The following NXPE1 variants were observed in gnomAD, a reference collection of about 807,000 sequenced individuals.
NXPE1 encodes NXPE family member 1.
NXPE1 carries 31 observed loss-of-function variants against 33.3 expected under a neutral mutation model. The ratio of observed to expected loss-of-function variants is 0.93; its 90% CI spans 0.70 to 1.26. The LOEUF is 1.26. Ranked by LOEUF, NXPE1 falls within the 50% of genes most tolerant of loss-of-function variation. The pLI, the probability that NXPE1 is intolerant of heterozygous loss-of-function variation, is 0.00. For synonymous variants in NXPE1, 229 were observed against 231.4 expected (o/e 0.99, Z 0.09); for missense variants, 661 against 655.6 (o/e 1.01, Z -0.09).
At chr11:114,527,054 GCTAA>G (rs1947391571) in intron 7 of NXPE1, 1 of 152,172 alleles carries the variant, frequency 6.6e-6, no homozygotes, top group African/African-American at 2.4e-5. Flanking sequence ...CACATTGCAA[GCTAA>G]CTGAGCATTT....
At chr11:114,543,535 C>A (rs1948173853) in intron 5 of NXPE1, among the ~76,000 whole-genome samples, 1 of 149,828 alleles carries the variant, frequency 6.7e-6, no homozygotes, top group African/African-American at 2.5e-5. Context: ...AAAAAAAAAT[C>A]TTTTTAGATT....
chr11:114,536,187 G>A (rs1416583604), intron 5 of NXPE1, among the ~76,000 whole-genome samples: 4 of 152,122 alleles, frequency 2.6e-5, no homozygotes, highest in Admixed American at 6.5e-5. Context: ...TGACTACTGG[G>A]TACATAATGA....
intron 5 of NXPE1, among the ~76,000 whole-genome samples, chr11:114,544,773 G>A (rs2135071604): frequency 6.6e-6 from 1 of 152,204 alleles, no homozygotes; most frequent in Non-Finnish European, 1.5e-5. Flanking sequence ...CTGTTAAGAG[G>A]ATGCAGAGAT....
intron 1 of NXPE1, chr11:114,553,640 G>T: frequency 2.4e-6 from 2 of 847,990 alleles, no homozygotes; most frequent in South Asian, 5.4e-5. Flanking sequence ...AGACTTCTTA[G>T]AATCCTATGG....
downstream of NXPE1, among the ~76,000 whole-genome samples, chr11:114,519,760 G>A (rs1947167751): frequency 1.3e-5 from 2 of 152,012 alleles, no homozygotes; most frequent in African/African-American, 2.4e-5. Flanking sequence ...AAAGAATTTT[G>A]TGTATGTATC....
intron 5 of NXPE1, among the ~76,000 whole-genome samples, chr11:114,537,628 A>ACAC (rs1947884712): frequency 6.6e-6 from 1 of 152,222 alleles, no homozygotes; most frequent in Non-Finnish European, 1.5e-5. Flanking sequence ...GCATTCTTAT[A>ACAC]CACCAGTAAC....
At chr11:114,526,669 T>C (rs1251285648) in intron 7 of NXPE1, 3 of 152,188 alleles carry the variant, frequency 2.0e-5, no homozygotes, top group Admixed American at 6.5e-5. Flanking sequence ...CATTGGCCTA[T>C]TGAAGAAGTC....
At chr11:114,529,198 G>C (rs529191507) in intron 6 of NXPE1, 1 of 175,064 alleles carries the variant, frequency 5.7e-6, no homozygotes, top group Non-Finnish European at 1.2e-5. Flanking sequence ...ATAAATCTTC[G>C]TGGGGGAAAA....
intron 5 of NXPE1, 103 bp downstream of exon 5, chr11:114,551,000 G>T: frequency 1.6e-6 from 1 of 642,898 alleles, no homozygotes; most frequent in Non-Finnish European, 2.8e-6. Flanking sequence ...AGTAGTTGAG[G>T]TGGGGGAGGA....
At chr11:114,539,438 A>T (rs185110626) in intron 5 of NXPE1, among the ~76,000 whole-genome samples, 60 of 152,228 alleles carry the variant, frequency 3.9e-4, no homozygotes, top group Non-Finnish European at 7.2e-4. Context: ...TATAATAATA[A>T]CAAAGAAAAT....
At chr11:114,522,554 C>G in intron 8 of NXPE1, 51 bp from the exon 9 acceptor site, 1 of 1,420,768 alleles carries the variant, frequency 7.0e-7, no homozygotes, top group Non-Finnish European at 9.5e-7. Flanking sequence ...GGTTAATATT[C>G]ATGAAAAAGA....
intron 7 of NXPE1, chr11:114,527,252 A>G (rs1359086971): frequency 6.6e-6 from 1 of 152,266 alleles, no homozygotes; most frequent in Non-Finnish European, 1.5e-5. Flanking sequence ...ATAAATAAAT[A>G]AACATTTGTG....
chr11:114,558,070 A>T (rs1948699722), intron 1 of NXPE1, among the ~76,000 whole-genome samples: 1 of 152,018 alleles, frequency 6.6e-6, no homozygotes, highest in Non-Finnish European at 1.5e-5. Flanking sequence ...CGCTTAACAG[A>T]TCAAATATAA....
At chr11:114,545,694 T>C (rs1948254581) in intron 5 of NXPE1, among the ~76,000 whole-genome samples, 1 of 150,726 alleles carries the variant, frequency 6.6e-6, no homozygotes, top group Non-Finnish European at 1.5e-5. Context: ...AGTGGATCTT[T>C]TTTTTTTTTT....
intron 5 of NXPE1, among the ~76,000 whole-genome samples, chr11:114,548,785 G>A (rs1008832038): frequency 3.3e-5 from 5 of 151,732 alleles, no homozygotes; most frequent in Admixed American, 6.6e-5. Context: ...AAAGAAAAAG[G>A]TAGGAATTGA....
At chr11:114,548,143 A>G (rs1948344015) in intron 5 of NXPE1, among the ~76,000 whole-genome samples, 1 of 152,208 alleles carries the variant, frequency 6.6e-6, no homozygotes, top group Non-Finnish European at 1.5e-5. Flanking sequence ...AACACAAGCA[A>G]TGAATATTTA....
chr11:114,540,082 A>T (rs1480415132), intron 5 of NXPE1, among the ~76,000 whole-genome samples: 1 of 152,218 alleles, frequency 6.6e-6, no homozygotes, highest in Non-Finnish European at 1.5e-5. Flanking sequence ...CAGCCGCCTG[A>T]ATAGCTGGGA....
chr11:114,553,163 A>T (rs1350011276), intron 1 of NXPE1, among the ~76,000 whole-genome samples: 1 of 152,074 alleles, frequency 6.6e-6, no homozygotes, highest in African/African-American at 2.4e-5. Flanking sequence ...AATCGTTTTC[A>T]TTGATAATTT....
In NXPE1 at chr11:114,521,954, A is replaced by T. The variant is rs78684808; in HGVS notation, c.*14T>A. ...AGAGATTGGTTCCTAGTGATTTTGT[A>T]TAGTATTTATCCCTTAGCAAATGTA... On this transcript the variant is annotated 3_prime_UTR_variant, in exon 9 of 9. Coordinates refer to ENST00000534921, the Ensembl canonical transcript of NXPE1. 1,404 of 1,571,034 alleles carry T rather than the reference A, an allele frequency of 8.9e-4. 33 individuals are homozygous for T. The East Asian group carries it at 0.026, about 29-fold the overall frequency.
Sources: gnomAD v4.1 joint callset for allele counts (sites outside exome capture counted in the v4.1 genomes callset) on GRCh38, gnomAD v4.1.1 for gene constraint, MANE v1.5 for transcripts, NCBI Gene and HGNC (gene_info 2026-07-23, HGNC 2026-07-21) for gene names.